Variants in CEP128 observed in about 807,000 individuals in gnomAD.
The protein encoded by CEP128 is centrosomal protein 128, also known as centrosomal protein 128kDa.
CEP128 carries 132 observed loss-of-function variants against 156.7 expected under a neutral mutation model. That is an observed-to-expected ratio of 0.84 (90% CI 0.73 to 0.97). CEP128 has a LOEUF of 0.97. Ranked by LOEUF, CEP128 falls within the 50% of genes least tolerant of loss-of-function variation. CEP128 has a pLI of 0.00. For synonymous variants in CEP128, 469 were observed against 448.9 expected (o/e 1.04, Z -0.57); for missense variants, 1,252 against 1,281.9 (o/e 0.98, Z 0.36).
intron 8 of CEP128, among the ~76,000 whole-genome samples, chr14:80,887,152 G>C (rs1888846197): frequency 6.6e-6 from 1 of 152,160 alleles, no homozygotes; most frequent in South Asian, 2.1e-4. Flanking sequence ...TCTACAAAGA[G>C]ACTTGGATTC....
chr14:80,604,649 T>C (rs1043047638), intron 19 of CEP128, among the ~76,000 whole-genome samples: 1 of 152,142 alleles, frequency 6.6e-6, no homozygotes, highest in Non-Finnish European at 1.5e-5. Flanking sequence ...ACCACTCATA[T>C]TCCTGGAGAT....
At chr14:80,744,856 C>A (rs1899019725) in intron 18 of CEP128, among the ~76,000 whole-genome samples, 1 of 152,110 alleles carries the variant, frequency 6.6e-6, no homozygotes, top group Non-Finnish European at 1.5e-5. Context: ...GTTACCCTAC[C>A]CCAAGCACAG....
rs187032837 is a variant in CEP128 at position 80,825,080 on chromosome 14, C to G, written c.1209+6063G>C. ...CAGGGAAACTGCTTTATAAAACCAT[C>G]AGATCTCATGAGACTTATTCACTAT... is the stretch of plus-strand genomic sequence containing the variant. On this transcript the variant is annotated intron_variant, in intron 13 of 24. Transcript: ENST00000555265. Among the ~76,000 whole-genome samples the G allele has an allele frequency of 1.7e-4, 26 of 152,284 alleles. No individual in the cohort carries two copies. In the East Asian group the frequency reaches 4.8e-3, roughly 28 times the overall value.
At chr14:80,566,565 T>C (rs912889237) in intron 20 of CEP128, among the ~76,000 whole-genome samples, 6 of 152,150 alleles carry the variant, frequency 3.9e-5, no homozygotes, top group African/African-American at 7.2e-5. Context: ...AAAAAAAGCT[T>C]TAAAATGTAG....
At chr14:80,800,752 C>A (rs1180089455) in intron 13 of CEP128, among the ~76,000 whole-genome samples, 1 of 152,116 alleles carries the variant, frequency 6.6e-6, no homozygotes, top group Admixed American at 6.5e-5. Context: ...TTATTCCTTT[C>A]TATGTTAAAG....
At chr14:80,914,693 T>C (rs1884444989) in intron 3 of CEP128, among the ~76,000 whole-genome samples, 1 of 152,152 alleles carries the variant, frequency 6.6e-6, no homozygotes, top group African/African-American at 2.4e-5. Context: ...ATTCTCAGAA[T>C]CATAATTTTC....
rs74064240 is a variant in CEP128, at chr14:80,545,530, C to T, written c.2880+13749G>A. 7.6e-3 allele frequency among the ~76,000 whole-genome samples: 1,152 copies of T among 152,142 alleles called. 22 individuals carry two copies. Among genetic ancestry groups the T allele is most frequent in the African/African-American group, 0.026 (1,094 of 41,532 alleles). On this transcript the variant is annotated intron_variant, in intron 21 of 24. Transcript: ENST00000555265. ...TAAAATAAGAGAATTGGTCATTTGG[C>T]GAGTTCATGACTGAGCAAACTGGTC...
intron 19 of CEP128, among the ~76,000 whole-genome samples, chr14:80,582,120 G>A (rs944070969): frequency 6.6e-6 from 1 of 152,188 alleles, no homozygotes; most frequent in African/African-American, 2.4e-5. Flanking sequence ...CCTGCAGGTT[G>A]CCCCAGCTGC....
chr14:80,532,195 A>G (rs2140280427), intron 21 of CEP128, among the ~76,000 whole-genome samples: 1 of 152,000 alleles, frequency 6.6e-6, no homozygotes, highest in South Asian at 2.1e-4. Flanking sequence ...GAGTATATAT[A>G]TATATATTTT....
exon 15 of CEP128, chr14:80,477,803 T>C (rs1886970086): frequency 6.6e-6 from 1 of 152,254 alleles, no homozygotes; most frequent in African/African-American, 2.4e-5. Context: ...TTAACCTCAC[T>C]GTCGTCCTGA....
chr14:80,654,840 T>C (rs556049475), intron 19 of CEP128, among the ~76,000 whole-genome samples: 3 of 152,132 alleles, frequency 2.0e-5, no homozygotes, highest in East Asian at 1.9e-4. Flanking sequence ...TAAATCTTCA[T>C]GGGCTTTAAC....
chr14:80,948,807 C>A (rs1262677943), intron 2 of CEP128, among the ~76,000 whole-genome samples: 3 of 152,038 alleles, frequency 2.0e-5, no homozygotes, highest in African/African-American at 7.2e-5. Context: ...TTTATTTGCC[C>A]CATTTTAAAA....
upstream of CEP128, among the ~76,000 whole-genome samples, chr14:80,942,705 A>T (rs973841713): frequency 6.6e-6 from 1 of 152,110 alleles, no homozygotes; most frequent in Non-Finnish European, 1.5e-5. Context: ...CTTCAAAGGG[A>T]CCTAACCTTT....
intron 6 of CEP128, 98 bp from the exon 7 acceptor site, chr14:80,900,127 A>G (rs1194221018): frequency 1.4e-6 from 1 of 716,884 alleles, no homozygotes; most frequent in Non-Finnish European, 2.3e-6. Flanking sequence ...CCTTGCAATA[A>G]TAACCAGATT....
chr14:80,657,014 C>T (rs1895199891), intron 19 of CEP128, among the ~76,000 whole-genome samples: 1 of 152,184 alleles, frequency 6.6e-6, no homozygotes, highest in Admixed American at 6.5e-5. Context: ...AATCCCAGCA[C>T]TTTGGGAAGC....
intron 19 of CEP128, among the ~76,000 whole-genome samples, chr14:80,724,789 T>C (rs922651389): frequency 7.2e-5 from 11 of 151,902 alleles, no homozygotes; most frequent in African/African-American, 2.7e-4. Context: ...GTTACAAAAA[T>C]ATATCAGAGG....
At chr14:80,749,470 C>G (rs1899278053) in intron 18 of CEP128, among the ~76,000 whole-genome samples, 1 of 152,136 alleles carries the variant, frequency 6.6e-6, no homozygotes, top group Non-Finnish European at 1.5e-5. Flanking sequence ...ATCCTGTCAT[C>G]TGCAACAACA....
intron 9 of CEP128, 142 bp from the exon 10 acceptor site, chr14:80,840,910 A>G: frequency 1.7e-6 from 1 of 600,444 alleles, no homozygotes; most frequent in Middle Eastern, 4.3e-4. Flanking sequence ...TGCTCATAAG[A>G]ACACTTCAGT....
chr14:80,911,702 T>A (rs1468007406), intron 4 of CEP128, among the ~76,000 whole-genome samples: 1 of 152,182 alleles, frequency 6.6e-6, no homozygotes. Flanking sequence ...ATGATCTATG[T>A]AAAATAATTA....
Sources: gnomAD v4.1 joint callset for allele counts (sites outside exome capture counted in the v4.1 genomes callset) on GRCh38, gnomAD v4.1.1 for gene constraint, MANE v1.5 for transcripts, NCBI Gene and HGNC (gene_info 2026-07-23, HGNC 2026-07-21) for gene names.